Variants in SYK observed in about 807,000 individuals in gnomAD.
The protein encoded by SYK is tyrosine-protein kinase SYK.
Under a neutral mutation model 77.8 loss-of-function variants are expected in SYK, and 16 were observed. That is an observed-to-expected ratio of 0.21 (90% CI 0.14 to 0.31). SYK has a LOEUF of 0.31. SYK is among the 10% of genes least tolerant of loss of function. The pLI, the probability that SYK is intolerant of heterozygous loss-of-function variation, is 1.00. For synonymous variants in SYK, 312 were observed against 308.7 expected (o/e 1.01, Z -0.11); for missense variants, 529 against 814.4 (o/e 0.65, Z 4.26).
intron 1 of SYK, among the ~76,000 whole-genome samples, chr9:90,807,633 A>G (rs1824889498): frequency 6.6e-6 from 1 of 152,214 alleles, no homozygotes; most frequent in African/African-American, 2.4e-5. Context: ...ACGTCCAGAT[A>G]GGTTTGATGA....
At chr9:90,852,340 C>T (rs10993717) in intron 3 of SYK, among the ~76,000 whole-genome samples, 1 of 152,154 alleles carries the variant, frequency 6.6e-6, no homozygotes, top group African/African-American at 2.4e-5. Context: ...TGATCAACTC[C>T]TCTCTGACCC....
At chr9:90,816,357 A>C (rs1425700782) in intron 1 of SYK, among the ~76,000 whole-genome samples, 1 of 152,158 alleles carries the variant, frequency 6.6e-6, no homozygotes, top group Non-Finnish European at 1.5e-5. Context: ...TTCCACAGTC[A>C]TTTTAGTCTA....
intron 3 of SYK, among the ~76,000 whole-genome samples, chr9:90,856,628 T>C (rs1365021873): frequency 6.6e-6 from 1 of 151,804 alleles, no homozygotes; most frequent in Non-Finnish European, 1.5e-5. Context: ...TTCAAATATT[T>C]CTGGGGCATT....
intron 1 of SYK, among the ~76,000 whole-genome samples, chr9:90,841,295 G>A (rs954051871): frequency 1.3e-5 from 2 of 150,970 alleles, no homozygotes; most frequent in Non-Finnish European, 3.0e-5. Flanking sequence ...TGTGTGTAAT[G>A]TGTATGTAGT....
At chr9:90,824,173 C>T (rs1365464917) in intron 1 of SYK, among the ~76,000 whole-genome samples, 2 of 152,086 alleles carry the variant, frequency 1.3e-5, no homozygotes, top group Admixed American at 1.3e-4. Context: ...GCTTGAGTGA[C>T]ACAAACTACT....
At chr9:90,804,264 T>C (rs1184421039) in intron 1 of SYK, among the ~76,000 whole-genome samples, 1 of 152,220 alleles carries the variant, frequency 6.6e-6, no homozygotes, top group African/African-American at 2.4e-5. Context: ...AGAGTGGATG[T>C]CTCATCTTTG....
intron 1 of SYK, among the ~76,000 whole-genome samples, chr9:90,834,919 A>G (rs1361904406): frequency 6.6e-6 from 1 of 152,246 alleles, no homozygotes; most frequent in Non-Finnish European, 1.5e-5. Flanking sequence ...CAGCTGACAC[A>G]GTGGTTTCCA....
intron 3 of SYK, among the ~76,000 whole-genome samples, chr9:90,849,996 C>CTCTTTCCA (rs1284490618): frequency 6.6e-6 from 1 of 152,246 alleles, no homozygotes; most frequent in African/African-American, 2.4e-5. Context: ...TCCATGCAAA[C>CTCTTTCCA]TCTTTCCATC....
At chr9:90,805,340 G>T (rs2118242200) in intron 1 of SYK, among the ~76,000 whole-genome samples, 1 of 152,346 alleles carries the variant, frequency 6.6e-6, no homozygotes, top group East Asian at 1.9e-4. Context: ...CTGTCCTGGA[G>T]CGCTGGAAGG....
chr9:90,810,603 T>TA (rs146063636), intron 1 of SYK, among the ~76,000 whole-genome samples: 10,645 of 152,186 alleles, frequency 0.07, 492 homozygotes, highest in Non-Finnish European at 0.093. Context: ...TCTCCAGATA[T>TA]GGAGATGGAC....
chr9:90,887,928 T>C (rs891163690), intron 12 of SYK, 39 bp downstream of exon 12: 2 of 1,533,256 alleles, frequency 1.3e-6, no homozygotes, highest in South Asian at 2.5e-5. Context: ...TGTGGGGCCA[T>C]TAGAACAGAT....
At chr9:90,821,259 T>C (rs1208428861) in intron 1 of SYK, among the ~76,000 whole-genome samples, 1 of 152,180 alleles carries the variant, frequency 6.6e-6, no homozygotes, top group African/African-American at 2.4e-5. Flanking sequence ...CACTTCCACA[T>C]TTTGGAGTAT....
intron 11 of SYK, among the ~76,000 whole-genome samples, chr9:90,884,809 A>G (rs868725946): frequency 8.8e-5 from 3 of 34,034 alleles, no homozygotes; most frequent in African/African-American, 3.0e-4. Context: ...ACATATGTGT[A>G]CATACACATA....
chr9:90,884,246 TAC>T (rs1301265898), intron 11 of SYK, among the ~76,000 whole-genome samples: 1 of 64,800 alleles, frequency 1.5e-5, no homozygotes, highest in African/African-American at 6.5e-5. Context: ...CGTGTATATA[TAC>T]ACATACACAT....
chr9:90,842,099 T>C (rs966830928), intron 1 of SYK, among the ~76,000 whole-genome samples: 1 of 141,840 alleles, frequency 7.1e-6, no homozygotes, highest in Non-Finnish European at 1.6e-5. Flanking sequence ...GTGTGTAGTG[T>C]GTGTAGTGTG....
intron 3 of SYK, among the ~76,000 whole-genome samples, chr9:90,849,259 C>T (rs1202850583): frequency 1.3e-5 from 2 of 152,156 alleles, no homozygotes; most frequent in East Asian, 1.9e-4. Flanking sequence ...ATTTTTTTAT[C>T]GTGATTTCAG....
intron 1 of SYK, among the ~76,000 whole-genome samples, chr9:90,806,638 TA>T (rs1200609540): frequency 1.3e-5 from 2 of 152,268 alleles, no homozygotes; most frequent in Non-Finnish European, 2.9e-5. Flanking sequence ...AACACTCACC[TA>T]CATTTTACCT....
intron 3 of SYK, among the ~76,000 whole-genome samples, chr9:90,846,857 T>A (rs1481866321): frequency 3.3e-5 from 5 of 152,248 alleles, no homozygotes; most frequent in Non-Finnish European, 7.3e-5. Flanking sequence ...ATGGCTATTT[T>A]TGCTGAGGTT....
intron 1 of SYK, among the ~76,000 whole-genome samples, chr9:90,837,033 T>C (rs1192848994): frequency 1.3e-5 from 2 of 151,876 alleles, no homozygotes; most frequent in African/African-American, 4.9e-5. Context: ...TAGTATATGA[T>C]ACATATAACA....
Sources: gnomAD v4.1 joint callset for allele counts (sites outside exome capture counted in the v4.1 genomes callset) on GRCh38, gnomAD v4.1.1 for gene constraint, MANE v1.5 for transcripts, NCBI Gene and HGNC (gene_info 2026-07-23, HGNC 2026-07-21) for gene names.